Variants in THSD4 observed in about 807,000 individuals in gnomAD.
The protein encoded by THSD4 is thrombospondin type-1 domain-containing protein 4.
THSD4 carries 69 observed loss-of-function variants against 119.0 expected under a neutral mutation model. That is an observed-to-expected ratio of 0.58 (90% CI 0.48 to 0.71). The LOEUF is 0.71. Among genes scored for constraint, THSD4 ranks in the 30% least tolerant of loss-of-function variants. The pLI, the probability that THSD4 is intolerant of heterozygous loss-of-function variation, is 0.00. For synonymous variants in THSD4, 524 were observed against 540.4 expected (o/e 0.97, Z 0.42); for missense variants, 1,393 against 1,391.1 (o/e 1.00, Z -0.02).
chr15:71,754,569 T>G (rs1021554792), intron 14 of THSD4, among the ~76,000 whole-genome samples: 1 of 152,286 alleles, frequency 6.6e-6, no homozygotes, highest in Non-Finnish European at 1.5e-5. Context: ...GTCCCAGATT[T>G]CTAATAGCAA....
chr15:71,771,006 G>C (rs1271287019), intron 16 of THSD4, 58 bp from the exon 17 acceptor site: 1 of 1,576,120 alleles, frequency 6.3e-7, no homozygotes, highest in African/African-American at 1.4e-5. Flanking sequence ...TCTTTCTCCA[G>C]TGTGCTGAGC....
At chr15:71,554,094 G>GTTT (rs1376282163) in intron 7 of THSD4, among the ~76,000 whole-genome samples, 9 of 44,100 alleles carry the variant, frequency 2.0e-4, no homozygotes, top group Non-Finnish European at 3.9e-4. Flanking sequence ...TGTTTGGTTT[G>GTTT]GTTTTTTTTT....
intron 13 of THSD4, 121 bp from the exon 14 acceptor site, chr15:71,748,300 A>T: frequency 8.3e-7 from 1 of 1,207,400 alleles, no homozygotes; most frequent in Non-Finnish European, 1.2e-6. Context: ...CCAGCTGGTG[A>T]CATGCATGAC....
intron 6 of THSD4, among the ~76,000 whole-genome samples, chr15:71,370,546 A>T (rs2046030177): frequency 6.6e-6 from 1 of 152,212 alleles, no homozygotes; most frequent in African/African-American, 2.4e-5. Flanking sequence ...TGTACCCAGT[A>T]GTCATTCAGG....
intron 8 of THSD4, among the ~76,000 whole-genome samples, chr15:71,685,989 A>G (rs974342539): frequency 9.9e-5 from 15 of 152,168 alleles, no homozygotes; most frequent in African/African-American, 3.6e-4. Flanking sequence ...GTAATGTTAA[A>G]TTTACAGAAG....
At chr15:71,408,507 A>G (rs1024126340) in intron 6 of THSD4, among the ~76,000 whole-genome samples, 7 of 152,108 alleles carry the variant, frequency 4.6e-5, no homozygotes, top group Non-Finnish European at 7.4e-5. Context: ...TGTTGGCATA[A>G]CAGACATGAG....
At chr15:71,113,915 T>C (rs1402021866), upstream of THSD4, among the ~76,000 whole-genome samples, 3 of 144,496 alleles carry the variant, frequency 2.1e-5, no homozygotes, top group African/African-American at 8.3e-5. Flanking sequence ...CATTCTAAAG[T>C]TGCGCAGGTT....
chr15:71,309,395 C>A (rs1309390333), intron 6 of THSD4, among the ~76,000 whole-genome samples: 2 of 152,276 alleles, frequency 1.3e-5, no homozygotes, highest in Non-Finnish European at 2.9e-5. Context: ...TTTATATATT[C>A]TGAATACTTA....
Position 71,780,887 on chromosome 15 carries a change from A to G in THSD4, c.*3513A>G, listed in dbSNP as rs1399480009. ...GAAGACACGAGCTTGGTGTATTTTC[A>G]TCAAGTTATGTGGCAGAGAAATCCA... On this transcript the variant is annotated 3_prime_UTR_variant, in exon 18 of 18. Transcript: ENST00000261862. 6.9e-6 allele frequency: 3 copies of G among 437,070 alleles called. No individual in the cohort carries two copies. The highest frequency in any genetic ancestry group is 1.4e-4 in the East Asian group (2 of 14,242). 27.1% of individuals were successfully genotyped at this position (437,070 alleles called of 1,614,324 possible). A position where few individuals can be genotyped will look rare whatever the true frequency, so the allele number is the denominator to read the frequency against.
chr15:71,686,716 G>A (rs958506864), intron 8 of THSD4, among the ~76,000 whole-genome samples: 3 of 152,182 alleles, frequency 2.0e-5, no homozygotes, highest in African/African-American at 4.8e-5. Context: ...CAATCTCTGT[G>A]GGGGGAAGCA....
chr15:71,720,625 G>A (rs2052704606), intron 8 of THSD4, among the ~76,000 whole-genome samples: 1 of 152,194 alleles, frequency 6.6e-6, no homozygotes, highest in African/African-American at 2.4e-5. Context: ...AGGCAGTACA[G>A]GAAGAGTTAT....
intron 4 of THSD4, among the ~76,000 whole-genome samples, chr15:71,222,466 A>C (rs2043982925): frequency 6.6e-6 from 1 of 152,170 alleles, no homozygotes; most frequent in South Asian, 2.1e-4. Flanking sequence ...TCAGATTTTC[A>C]AGTATGAATT....
intron 7 of THSD4, among the ~76,000 whole-genome samples, chr15:71,640,614 T>G (rs1302643447): frequency 6.6e-6 from 1 of 152,214 alleles, no homozygotes; most frequent in Non-Finnish European, 1.5e-5. Flanking sequence ...GATTATTGTT[T>G]AAAAACTTCA....
At chr15:71,688,701 GTATC>G (rs2051972577) in intron 8 of THSD4, among the ~76,000 whole-genome samples, 1 of 90,002 alleles carries the variant, frequency 1.1e-5, no homozygotes, top group East Asian at 3.8e-4. Context: ...TTTTTGTTTT[GTATC>G]TCTGTGTGTG....
intron 10 of THSD4, among the ~76,000 whole-genome samples, chr15:71,736,713 T>C (rs962700245): frequency 6.6e-6 from 1 of 152,156 alleles, no homozygotes; most frequent in African/African-American, 2.4e-5. Flanking sequence ...TGTGCCCTCC[T>C]CCTCTCTCTG....
chr15:71,431,462 A>G (rs894555742), intron 7 of THSD4, among the ~76,000 whole-genome samples: 3 of 152,292 alleles, frequency 2.0e-5, no homozygotes, highest in Admixed American at 6.5e-5. Flanking sequence ...ATCAGAGTAA[A>G]ACAATTTACT....
chr15:71,762,143 G>T (rs189931413), intron 15 of THSD4, among the ~76,000 whole-genome samples: 1 of 134,080 alleles, frequency 7.5e-6, no homozygotes, highest in Non-Finnish European at 1.5e-5. Flanking sequence ...TCTCATGCGC[G>T]TGTGCAAACA....
chr15:71,606,243 G>A (rs1296925340), intron 7 of THSD4, among the ~76,000 whole-genome samples: 1 of 152,204 alleles, frequency 6.6e-6, no homozygotes, highest in Non-Finnish European at 1.5e-5. Flanking sequence ...CTTGCGAAGA[G>A]CAAAAGACAA....
At chr15:71,741,206 A>C (rs1291435667) in intron 11 of THSD4, among the ~76,000 whole-genome samples, 1 of 152,132 alleles carries the variant, frequency 6.6e-6, no homozygotes, top group East Asian at 1.9e-4. Context: ...AAATTGAATA[A>C]GCGGCCGGGC....
Sources: gnomAD v4.1 joint callset for allele counts (sites outside exome capture counted in the v4.1 genomes callset) on GRCh38, gnomAD v4.1.1 for gene constraint, MANE v1.5 for transcripts, NCBI Gene and HGNC (gene_info 2026-07-23, HGNC 2026-07-21) for gene names.